Variants in KCMF1 observed in about 807,000 individuals in gnomAD.
KCMF1 encodes the protein E3 ubiquitin-protein ligase KCMF1.
KCMF1 carries 3 observed loss-of-function variants against 41.1 expected under a neutral mutation model. The observed-to-expected ratio is 0.07, with a 90% CI of 0.03 to 0.19. The LOEUF (loss-of-function observed/expected upper bound fraction) is 0.19, where lower values mean the gene tolerates loss of function less well. Among genes scored for constraint, KCMF1 ranks in the 10% least tolerant of loss-of-function variants. The probability of loss-of-function intolerance (pLI) is 1.00; values close to 1 mark genes in which losing one functional copy is unlikely to be tolerated. For synonymous variants in KCMF1, 142 were observed against 164.5 expected (o/e 0.86, Z 1.04); for missense variants, 286 against 488.9 (o/e 0.58, Z 3.91).
At chr2:85,002,598 T>C (rs573294464) in intron 1 of KCMF1, among the ~76,000 whole-genome samples, 3 of 150,912 alleles carry the variant, frequency 2.0e-5, no homozygotes, top group East Asian at 2.0e-4. Flanking sequence ...CCTGACTTTA[T>C]TGAGGTCTTA....
intron 2 of KCMF1, among the ~76,000 whole-genome samples, chr2:85,028,263 A>G (rs188984906): frequency 1.1e-4 from 16 of 151,858 alleles, no homozygotes; most frequent in Admixed American, 1.3e-4. Context: ...GCTCACTGCA[A>G]CCTCCACCTC....
chr2:85,015,835 A>T (rs1472775768), intron 1 of KCMF1, among the ~76,000 whole-genome samples: 5 of 152,238 alleles, frequency 3.3e-5, no homozygotes, highest in African/African-American at 1.2e-4. Flanking sequence ...CATAATTAAA[A>T]GTGAAGGAAC....
intron 1 of KCMF1, among the ~76,000 whole-genome samples, chr2:85,001,680 C>G (rs934279083): frequency 3.3e-5 from 5 of 152,076 alleles, no homozygotes; most frequent in Non-Finnish European, 5.9e-5. Context: ...TCCAGAATGT[C>G]CTGTGTGGGT....
chr2:85,012,248 T>C (rs1674670769), intron 1 of KCMF1, among the ~76,000 whole-genome samples: 1 of 152,222 alleles, frequency 6.6e-6, no homozygotes, highest in Non-Finnish European at 1.5e-5. Context: ...GTTTACATGC[T>C]CTTAAAGTGT....
intron 3 of KCMF1, among the ~76,000 whole-genome samples, chr2:85,042,652 C>CT (rs891692939): frequency 3.9e-5 from 6 of 152,208 alleles, no homozygotes; most frequent in Admixed American, 1.3e-4. Context: ...TGGCCCTGTT[C>CT]TTTAAGATTG....
At position 85,053,409 on chromosome 2, in the gene KCMF1, A is replaced by T; in HGVS notation, c.1146A>T (p.Ter382CysextTer1). ...ATGAGCCTCCACCACCTCCTCTTTG[A>T]TGACATCCCAATTCGCAGACAATGT... ...KGNEPPPPPL[*>C] is the part of the protein sequence containing the mutation. Residue 382 changes from the stop codon to cysteine, a stop_lost, in exon 7 of 7, where the codon TGA (stop) becomes TGT (cysteine). Transcript: ENST00000409785. 6.2e-7 allele frequency: 1 copy of T among 1,610,692 alleles called. No individual in the cohort carries two copies. Among genetic ancestry groups the T allele is most frequent in the Non-Finnish European group, 8.5e-7 (1 of 1,178,186 alleles).
intron 3 of KCMF1, 45 bp downstream of exon 3, chr2:85,035,200 AT>A: frequency 6.5e-7 from 1 of 1,538,996 alleles, no homozygotes; most frequent in South Asian, 1.2e-5. Flanking sequence ...GTTGTAAAGT[AT>A]ATTATTTCTA....
Position 85,053,540 on chromosome 2 carries a change from A to T in KCMF1, c.*131A>T, listed in dbSNP as rs1035469873. 1 of 930,406 alleles carries T rather than the reference A, an allele frequency of 1.1e-6. No individual in the cohort carries two copies. The highest frequency in any genetic ancestry group is 2.9e-5 in the Admixed American group (1 of 34,148). 57.6% of individuals were successfully genotyped at this position (930,406 alleles called of 1,614,324 possible). On this transcript the variant is annotated 3_prime_UTR_variant, in exon 7 of 7. Transcript: ENST00000409785. ...TCTTGTTACATTGTGTACATTCAAAAGGAAGAGAGAAAATATATATGATAA... is the reference window on the plus strand; with the variant it reads ...TCTTGTTACATTGTGTACATTCAAATGGAAGAGAGAAAATATATATGATAA...
At chr2:85,044,328 G>A (rs971747365) in intron 4 of KCMF1, among the ~76,000 whole-genome samples, 3 of 151,936 alleles carry the variant, frequency 2.0e-5, no homozygotes, top group Admixed American at 2.0e-4. Flanking sequence ...GAGTAGGATA[G>A]CATAAGGTCA....
rs537681480 is a variant in KCMF1, at chr2:84,990,281, G to A, written c.16+18814G>A. ...GAAGGAGAGATGACAACAGCTGGAG[G>A]TATCTCTAGCACCTAGTGCATATTT... On this transcript the variant is annotated intron_variant, in intron 1 of 6. Transcript: ENST00000409785. 2.0e-5 allele frequency among the ~76,000 whole-genome samples: 3 copies of A among 152,260 alleles called. No individual in the cohort carries two copies. In the South Asian group the frequency reaches 6.2e-4, roughly 32 times the overall value.
intron 2 of KCMF1, among the ~76,000 whole-genome samples, chr2:85,031,675 A>C (rs531289846): frequency 3.3e-5 from 5 of 152,216 alleles, no homozygotes; most frequent in Non-Finnish European, 5.9e-5. Context: ...GTTTATTAGG[A>C]TATAACCCCA....
At chr2:85,041,391 C>T (rs997829805) in intron 3 of KCMF1, among the ~76,000 whole-genome samples, 3 of 152,104 alleles carry the variant, frequency 2.0e-5, no homozygotes, top group East Asian at 1.9e-4. Flanking sequence ...ATTCTTTGTA[C>T]GTTTGATGTC....
chr2:84,981,113 G>A (rs932797962), intron 1 of KCMF1, among the ~76,000 whole-genome samples: 3 of 151,010 alleles, frequency 2.0e-5, no homozygotes, highest in Non-Finnish European at 4.4e-5. Flanking sequence ...CCCTCAGCTA[G>A]AAGAAATAGC....
Position 85,053,552 on chromosome 2 carries a change from AATAT to A in KCMF1, c.*148_*151del. 2.3e-6 allele frequency: 2 copies of A among 869,260 alleles called. No individual in the cohort carries two copies. Among genetic ancestry groups the A allele is most frequent in the Non-Finnish European group, 3.5e-6 (2 of 577,994 alleles). 53.8% of individuals were successfully genotyped at this position (869,260 alleles called of 1,614,324 possible). A position where few individuals can be genotyped will look rare whatever the true frequency, so the allele number is the denominator to read the frequency against. ...GTGTACATTCAAAAGGAAGAGAGAAAATATATATGATAATCATTTCCACTTAACT... is the reference window on the plus strand; with the variant it reads ...GTGTACATTCAAAAGGAAGAGAGAAAATATGATAATCATTTCCACTTAACT... On this transcript the variant is annotated 3_prime_UTR_variant, in exon 7 of 7. Coordinates refer to ENST00000409785, the MANE Select transcript of KCMF1 (RefSeq NM_020122.5).
Position 85,027,876 on chromosome 2 carries a change from C to T in KCMF1, c.17-13C>T, listed in dbSNP as rs1434361672. 1.7e-5 allele frequency: 27 copies of T among 1,564,968 alleles called. No homozygotes were observed. The highest frequency in any genetic ancestry group is 2.7e-5 in the African/African-American group (2 of 72,776). On this transcript the variant is annotated splice_polypyrimidine_tract_variant and intron_variant, in intron 1 of 6. Transcript: ENST00000409785. ...TTACAACTGGTAACTAAAGATATTT[C>T]TTTTTTTTATAGGTGTCAGCTGTGA...
intron 1 of KCMF1, among the ~76,000 whole-genome samples, chr2:84,991,311 G>T (rs562274707): frequency 9.8e-5 from 15 of 152,314 alleles, no homozygotes; most frequent in African/African-American, 3.6e-4. Flanking sequence ...TGTTTCAGGC[G>T]TAAATTAGGG....
At chr2:84,993,343 G>A (rs1297494977) in intron 1 of KCMF1, among the ~76,000 whole-genome samples, 3 of 152,090 alleles carry the variant, frequency 2.0e-5, no homozygotes, top group Non-Finnish European at 4.4e-5. Context: ...AGCTCATCAC[G>A]ACTGAGTAGC....
chr2:85,024,662 C>T (rs1041514962), intron 1 of KCMF1, among the ~76,000 whole-genome samples: 1 of 151,718 alleles, frequency 6.6e-6, no homozygotes, highest in African/African-American at 2.4e-5. Flanking sequence ...ACTTTAGACT[C>T]ATAAAAATAT....
chr2:85,014,201 A>G lies in KCMF1; in HGVS notation c.17-13688A>G, dbSNP rs1210573543. On this transcript the variant is annotated intron_variant, in intron 1 of 6. Coordinates refer to ENST00000409785, the MANE Select transcript of KCMF1 (RefSeq NM_020122.5). ...CACCTGCCTCAAGAGTAATTCCTCA[A>G]TCTCAGGATTTCATTCCAGAGAAGT... 3.3e-5 allele frequency: 5 copies of G among 152,340 alleles called. No individual in the cohort carries two copies. The East Asian group carries it at 9.6e-4, about 29-fold the overall frequency. The allele number at this position is 152,340 out of a possible 1,614,324, so 9.4% of individuals were successfully genotyped here.
Sources: gnomAD v4.1 joint callset for allele counts (sites outside exome capture counted in the v4.1 genomes callset) on GRCh38, gnomAD v4.1.1 for gene constraint, MANE v1.5 for transcripts, NCBI Gene and HGNC (gene_info 2026-07-23, HGNC 2026-07-21) for gene names.